The following RNF220 variants were observed in gnomAD, a reference collection of about 807,000 sequenced individuals.
RNF220 encodes the protein ring finger protein 220, also known as E3 ubiquitin-protein ligase RNF220.
A neutral mutation model predicts 67.1 loss-of-function variants in RNF220; 7 were observed. That is an observed-to-expected ratio of 0.10 (90% CI 0.06 to 0.20). RNF220 has a LOEUF of 0.20. RNF220 is among the 10% of genes least tolerant of loss of function. The probability of loss-of-function intolerance (pLI) is 1.00; values close to 1 mark genes in which losing one functional copy is unlikely to be tolerated. For missense variants in RNF220, 565 were observed against 740.3 expected (o/e 0.76, Z 2.75); for synonymous variants, 270 against 283.2 (o/e 0.95, Z 0.47).
chr1:44,405,472 C>T lies in RNF220; in HGVS notation c.-176C>T. 1 of 539,406 alleles carries T rather than the reference C, an allele frequency of 1.9e-6. No homozygotes were observed. The highest frequency in any genetic ancestry group is 2.2e-5 in the South Asian group (1 of 44,496). 33.4% of individuals were successfully genotyped at this position (539,406 alleles called of 1,614,324 possible). On this transcript the variant is annotated 5_prime_UTR_variant, in exon 1 of 15. Transcript: ENST00000361799. ...GACTTTTCATGCACCACACTCTCCG[C>T]CTGCTTCCCTCCGTGTCCTGAAAAG...
rs148409311 is a variant in RNF220, at chr1:44,431,271, G to A, written c.625+18549G>A. Among the ~76,000 whole-genome samples, 1,052 of 152,142 alleles carry A rather than the reference G, an allele frequency of 6.9e-3. 12 individuals are homozygous for A. Among genetic ancestry groups the A allele is most frequent in the African/African-American group, 0.024 (1,002 of 41,502 alleles). On this transcript the variant is annotated intron_variant, in intron 2 of 14. Coordinates refer to ENST00000361799, the MANE Select transcript of RNF220 (RefSeq NM_018150.4). The stretch of plus-strand genomic sequence containing the variant: ...AGCAGTTTGGGAGGCCGAGGTGGGT[G>A]GATCACAAGGTCAGGAGTTCCCAGC...
chr1:44,436,415 T>A (rs1380401282), intron 2 of RNF220, among the ~76,000 whole-genome samples: 1 of 78,796 alleles, frequency 1.3e-5, no homozygotes, highest in Non-Finnish European at 2.7e-5. Context: ...CACACACACA[T>A]GTGTGAGCAA....
At chr1:44,571,319 G>A (rs542845193) in intron 2 of RNF220, among the ~76,000 whole-genome samples, 3 of 152,104 alleles carry the variant, frequency 2.0e-5, no homozygotes, top group South Asian at 2.1e-4. Flanking sequence ...CTCCTCCTTC[G>A]CAGATCCTCA....
intron 2 of RNF220, among the ~76,000 whole-genome samples, chr1:44,449,678 G>A (rs1392785899): frequency 6.6e-6 from 1 of 152,066 alleles, no homozygotes; most frequent in Non-Finnish European, 1.5e-5. Flanking sequence ...CCTCCCAAAG[G>A]GCTGGGATTG....
chr1:44,441,869 G>T (rs568639031), intron 2 of RNF220, among the ~76,000 whole-genome samples: 1 of 152,316 alleles, frequency 6.6e-6, no homozygotes, highest in Admixed American at 6.5e-5. Flanking sequence ...GCATCTTACA[G>T]TTCTTATGGG....
intron 2 of RNF220, among the ~76,000 whole-genome samples, chr1:44,579,360 G>A (rs1288756756): frequency 6.6e-6 from 1 of 152,122 alleles, no homozygotes; most frequent in East Asian, 1.9e-4. Flanking sequence ...GGACAGGGAG[G>A]CTTGATGGAA....
intron 2 of RNF220, among the ~76,000 whole-genome samples, chr1:44,425,722 G>T (rs1368307081): frequency 2.0e-5 from 3 of 152,220 alleles, no homozygotes; most frequent in African/African-American, 7.2e-5. Flanking sequence ...CTACAGGGTT[G>T]CTGAGTAAAT....
At chr1:44,557,895 G>C (rs113379165) in intron 2 of RNF220, among the ~76,000 whole-genome samples, 1 of 152,106 alleles carries the variant, frequency 6.6e-6, no homozygotes, top group Admixed American at 6.5e-5. Context: ...GTGAGTCATC[G>C]ACCCTTCCCC....
chr1:44,553,159 T>C (rs1423664022), intron 2 of RNF220, among the ~76,000 whole-genome samples: 1 of 151,884 alleles, frequency 6.6e-6, no homozygotes, highest in African/African-American at 2.4e-5. Flanking sequence ...GTAGGATAGG[T>C]GCCACTTTTG....
At chr1:44,540,983 G>C (rs1054981005) in intron 2 of RNF220, among the ~76,000 whole-genome samples, 1 of 151,982 alleles carries the variant, frequency 6.6e-6, no homozygotes, top group African/African-American at 2.4e-5. Context: ...CATTTGTTAC[G>C]GTGTTTGCAA....
At chr1:44,543,061 G>C (rs1039884064) in intron 2 of RNF220, among the ~76,000 whole-genome samples, 1 of 152,198 alleles carries the variant, frequency 6.6e-6, no homozygotes, top group Non-Finnish European at 1.5e-5. Flanking sequence ...GGAGACCATC[G>C]GAGAGCTGGG....
chr1:44,437,644 C>CCCTGGTGACAAATCGT (rs1553217527), intron 2 of RNF220, among the ~76,000 whole-genome samples: 1 of 152,134 alleles, frequency 6.6e-6, no homozygotes, highest in Non-Finnish European at 1.5e-5. Context: ...ATGCTAATAA[C>CCCTGGTGACAAATCGT]CCTGGTGACA....
At chr1:44,424,899 A>T (rs377308345) in intron 2 of RNF220, among the ~76,000 whole-genome samples, 4 of 152,098 alleles carry the variant, frequency 2.6e-5, no homozygotes, top group African/African-American at 9.7e-5. Flanking sequence ...TTATCTTCTC[A>T]CTGCTGTTGC....
chr1:44,475,109 C>T (rs2148004326), intron 2 of RNF220, among the ~76,000 whole-genome samples: 1 of 152,098 alleles, frequency 6.6e-6, no homozygotes, highest in East Asian at 1.9e-4. Context: ...GGAATTTGCA[C>T]TCTAATTGCT....
intron 6 of RNF220, among the ~76,000 whole-genome samples, chr1:44,633,650 T>G (rs1410813129): frequency 6.6e-6 from 1 of 152,224 alleles, no homozygotes; most frequent in Non-Finnish European, 1.5e-5. Context: ...TATTGTGCCT[T>G]TCTTGACCAT....
chr1:44,632,705 G>T (rs1014080850), intron 6 of RNF220: 1 of 504,744 alleles, frequency 2.0e-6, no homozygotes, highest in African/African-American at 1.9e-5. Flanking sequence ...GCAAACTGCT[G>T]GGACCTCACT....
chr1:44,515,640 T>C (rs1214024224), intron 2 of RNF220, among the ~76,000 whole-genome samples: 2 of 152,186 alleles, frequency 1.3e-5, no homozygotes, highest in Non-Finnish European at 2.9e-5. Flanking sequence ...TTTCCCTTTG[T>C]GTGATGAACT....
At chr1:44,548,971 G>A (rs1020992501) in intron 2 of RNF220, among the ~76,000 whole-genome samples, 4 of 152,140 alleles carry the variant, frequency 2.6e-5, no homozygotes, top group African/African-American at 4.8e-5. Flanking sequence ...AGGCCAAGGC[G>A]GGCAGATCAG....
chr1:44,491,773 C>T (rs1416209562), intron 2 of RNF220, among the ~76,000 whole-genome samples: 5 of 152,128 alleles, frequency 3.3e-5, no homozygotes, highest in Admixed American at 3.3e-4. Flanking sequence ...AAGCAATTCT[C>T]ATGCCTCAGC....
Sources: allele counts gnomAD v4.1 joint callset (sites outside exome capture counted in the v4.1 genomes callset), GRCh38; gene constraint gnomAD v4.1.1; transcripts MANE v1.5; gene names NCBI Gene and HGNC (gene_info 2026-07-23, HGNC 2026-07-21).